Variants in CTNNA3 observed in about 807,000 individuals in gnomAD.
CTNNA3 encodes catenin alpha-3.
Under a neutral mutation model 95.7 loss-of-function variants are expected in CTNNA3, and 76 were observed. The observed-to-expected ratio is 0.79, with a 90% CI of 0.66 to 0.96. The LOEUF is 0.96. Ranked by LOEUF, CTNNA3 falls within the 40% of genes least tolerant of loss-of-function variation. The pLI, the probability that CTNNA3 is intolerant of heterozygous loss-of-function variation, is 0.00. For synonymous variants in CTNNA3, 431 were observed against 374.4 expected (o/e 1.15, Z -1.74); for missense variants, 1,191 against 1,089.8 (o/e 1.09, Z -1.31).
At chr10:67,036,153 TTTATTTTATC>T (rs1217204415) in intron 7 of CTNNA3, among the ~76,000 whole-genome samples, 2 of 152,104 alleles carry the variant, frequency 1.3e-5, no homozygotes, top group African/African-American at 4.8e-5. Context: ...TTTATTTTAT[TTTATTTTATC>T]TTATTTTGAG....
chr10:65,946,989 T>A (rs922518091), intron 17 of CTNNA3, among the ~76,000 whole-genome samples: 5 of 152,188 alleles, frequency 3.3e-5, no homozygotes, highest in African/African-American at 1.2e-4. Context: ...GCTAAATGTC[T>A]CCATTTGTAT....
At chr10:67,027,075 T>C (rs566711851) in intron 7 of CTNNA3, among the ~76,000 whole-genome samples, 8 of 152,284 alleles carry the variant, frequency 5.3e-5, no homozygotes, top group East Asian at 1.9e-4. Context: ...TCTGAGAGCG[T>C]AGATTTTTGC....
chr10:67,002,328 C>A (rs1589581413), intron 7 of CTNNA3, among the ~76,000 whole-genome samples: 1 of 152,148 alleles, frequency 6.6e-6, no homozygotes, highest in Admixed American at 6.5e-5. Flanking sequence ...ACTACTAATT[C>A]TCAGAGCAGT....
intron 5 of CTNNA3, among the ~76,000 whole-genome samples, chr10:67,316,723 C>A (rs924674552): frequency 6.6e-6 from 1 of 152,106 alleles, no homozygotes; most frequent in Non-Finnish European, 1.5e-5. Flanking sequence ...GCTTAATGGA[C>A]AGAAATTTTT....
At chr10:66,947,337 G>T (rs952777204) in intron 7 of CTNNA3, among the ~76,000 whole-genome samples, 1 of 152,140 alleles carries the variant, frequency 6.6e-6, no homozygotes, top group East Asian at 1.9e-4. Context: ...AAGAAACAGA[G>T]CTATCACACT....
chr10:67,508,340 C>A (rs1839494973), intron 5 of CTNNA3, among the ~76,000 whole-genome samples: 1 of 152,072 alleles, frequency 6.6e-6, no homozygotes, highest in Non-Finnish European at 1.5e-5. Context: ...ACAATAAAGG[C>A]CGTATTTCAC....
intron 7 of CTNNA3, among the ~76,000 whole-genome samples, chr10:67,086,159 TA>T (rs1304352800): frequency 2.6e-5 from 4 of 152,032 alleles, no homozygotes; most frequent in African/African-American, 9.7e-5. Flanking sequence ...AGAAACAGTA[TA>T]TTTTTTTTCA....
chr10:66,400,340 GC>G (rs1026886913), intron 11 of CTNNA3, among the ~76,000 whole-genome samples: 2 of 151,958 alleles, frequency 1.3e-5, no homozygotes, highest in African/African-American at 4.8e-5. Flanking sequence ...TTTATCATTT[GC>G]TTTTTATGTA....
rs759400487 is a variant in CTNNA3, at chr10:66,928,394, T to C, written c.1048-152870A>G. 1.7e-5 allele frequency: 28 copies of C among 1,613,996 alleles called. No homozygotes were observed. The East Asian group carries it at 6.2e-4, about 36-fold the overall frequency. ...CCCACCAACACGGAGACCAGCGAGATGCTGCTGAATGGGACGGGACCCTGC... is the reference window on the plus strand; with the variant it reads ...CCCACCAACACGGAGACCAGCGAGACGCTGCTGAATGGGACGGGACCCTGC... On this transcript the variant is annotated intron_variant, in intron 7 of 17. Coordinates refer to ENST00000433211, the MANE Select transcript of CTNNA3 (RefSeq NM_013266.4).
At chr10:66,805,314 T>G (rs1364309281) in intron 7 of CTNNA3, among the ~76,000 whole-genome samples, 1 of 151,754 alleles carries the variant, frequency 6.6e-6, no homozygotes, top group Non-Finnish European at 1.5e-5. Flanking sequence ...TTGCAAATCA[T>G]CAAACCTAGG....
chr10:66,926,714 T>C (rs1328543514), intron 7 of CTNNA3: 9 of 1,169,044 alleles, frequency 7.7e-6, no homozygotes, highest in Non-Finnish European at 9.8e-6. Context: ...ATGAATTTAT[T>C]TGCTTAGTGG....
In CTNNA3 at chr10:65,919,910, A is replaced by G. The variant is rs1166671259; in HGVS notation, c.*420T>C. Reference sequence around the variant, plus strand: ...AGATTAAATGGGAAAATATTTTATAAAAGTCTTTTGTTTCTATTAAAAAAC... The same window carrying G: ...AGATTAAATGGGAAAATATTTTATAGAAGTCTTTTGTTTCTATTAAAAAAC... On this transcript the variant is annotated 3_prime_UTR_variant, in exon 18 of 18. Transcript: ENST00000433211. 1 of 158,652 alleles carries G rather than the reference A, an allele frequency of 6.3e-6. No individual in the cohort carries two copies. The highest frequency in any genetic ancestry group is 1.4e-5 in the Non-Finnish European group (1 of 72,314). 9.8% of individuals were successfully genotyped at this position (158,652 alleles called of 1,614,324 possible).
chr10:66,702,668 C>T (rs180687077), intron 9 of CTNNA3, among the ~76,000 whole-genome samples: 8 of 140,932 alleles, frequency 5.7e-5, no homozygotes, highest in Middle Eastern at 4.0e-3. Flanking sequence ...ATCATGCCAC[C>T]GGCACTCTAG....
chr10:66,746,877 G>A (rs938163248), intron 9 of CTNNA3, among the ~76,000 whole-genome samples: 1 of 152,148 alleles, frequency 6.6e-6, no homozygotes, highest in Non-Finnish European at 1.5e-5. Context: ...GTGTGTGTGT[G>A]TGTGTGTGCG....
intron 12 of CTNNA3, among the ~76,000 whole-genome samples, chr10:66,345,248 T>A (rs992688253): frequency 1.3e-5 from 2 of 152,066 alleles, no homozygotes; most frequent in African/African-American, 4.8e-5. Context: ...AGAATGTAGT[T>A]TATAGCAAAT....
chr10:67,316,240 T>C (rs964309534), intron 5 of CTNNA3, among the ~76,000 whole-genome samples: 3 of 152,194 alleles, frequency 2.0e-5, no homozygotes, highest in African/African-American at 7.2e-5. Flanking sequence ...TATATTTTGC[T>C]CAATATAGAC....
chr10:66,599,359 C>T (rs1420878394), intron 10 of CTNNA3, among the ~76,000 whole-genome samples: 1 of 152,022 alleles, frequency 6.6e-6, no homozygotes, highest in Non-Finnish European at 1.5e-5. Flanking sequence ...AGGCCATAAA[C>T]TTAAGTATTC....
In CTNNA3 at chr10:67,047,420, G is replaced by C. The variant is rs1455323478; in HGVS notation, c.1047+132897C>G. ...CAAGAGAGAACAATGAAAGGATAGT[G>C]CTAAGTGTGAAAGAAAAACATTAAG... On this transcript the variant is annotated intron_variant, in intron 7 of 17. Coordinates refer to ENST00000433211, the MANE Select transcript of CTNNA3 (RefSeq NM_013266.4). 3.3e-5 allele frequency among the ~76,000 whole-genome samples: 5 copies of C among 152,244 alleles called. No homozygotes were observed. In the East Asian group the frequency reaches 9.7e-4, roughly 29 times the overall value.
At chr10:66,431,067 C>A (rs61867185) in intron 11 of CTNNA3, among the ~76,000 whole-genome samples, 1 of 151,546 alleles carries the variant, frequency 6.6e-6, no homozygotes, top group Non-Finnish European at 1.5e-5. Flanking sequence ...AAAAAAAACC[C>A]ATCAAAAAGT....
Sources: gnomAD v4.1 joint callset for allele counts (sites outside exome capture counted in the v4.1 genomes callset) on GRCh38, gnomAD v4.1.1 for gene constraint, MANE v1.5 for transcripts, NCBI Gene and HGNC (gene_info 2026-07-23, HGNC 2026-07-21) for gene names.